NEK11: variants seen among roughly 807,000 people sequenced by gnomAD.
NEK11 encodes the protein NIMA related kinase 11, also known as serine/threonine-protein kinase Nek11.
A neutral mutation model predicts 80.7 loss-of-function variants in NEK11; 72 were observed. That is an observed-to-expected ratio of 0.89 (90% CI 0.74 to 1.08). The LOEUF is 1.08. Ranked by LOEUF, NEK11 falls within the 50% of genes least tolerant of loss-of-function variation. NEK11 has a pLI of 0.00. For synonymous variants in NEK11, 251 were observed against 260.7 expected, an observed-to-expected ratio of 0.96 and a Z score of 0.36; for missense variants, 764 against 763.6, an observed-to-expected ratio of 1.00 and a Z score of -0.01.
At chr3:131,055,547 G>A (rs1008354613) in intron 3 of NEK11, among the ~76,000 whole-genome samples, 1 of 152,024 alleles carries the variant, frequency 6.6e-6, no homozygotes, top group African/African-American at 2.4e-5. Flanking sequence ...ACCAGCCTGG[G>A]CAACATAGTA....
In NEK11 at chr3:131,059,087, C is replaced by T. The variant is rs149268940; in HGVS notation, c.171-21336C>T. Among the ~76,000 whole-genome samples the T allele has an allele frequency of 2.2e-3, 332 of 152,108 alleles. 3 individuals are homozygous for T. The highest frequency in any genetic ancestry group is 3.7e-3 in the Non-Finnish European group (253 of 67,972). On this transcript the variant is annotated intron_variant, in intron 3 of 17. Coordinates refer to ENST00000383366, the MANE Select transcript of NEK11 (RefSeq NM_024800.5). ...TAACTGATCTGTGGTTCAGGAGAAC[C>T]GTTAATGAACAATGAAAATACATTT... is the stretch of plus-strand genomic sequence containing the variant.
At position 131,115,952 on chromosome 3, in the gene NEK11, T is replaced by TTCTTTCTTTCTTTCTTTCTTTC. The variant is rs1553878398; in HGVS notation, c.455+6033_455+6054dup. ...TTTCTTTCTTTCTTTCTTTCTTTCT[T>TTCTTTCTTTCTTTCTTTCTTTC]TCTTTCTTTCTTTCTTTCTTTCTTT... On this transcript the variant is annotated intron_variant, in intron 5 of 17. Coordinates refer to ENST00000383366, the MANE Select transcript of NEK11 (RefSeq NM_024800.5). Among the ~76,000 whole-genome samples, 718 of 133,192 alleles carry TTCTTTCTTTCTTTCTTTCTTTC rather than the reference T, an allele frequency of 5.4e-3. 10 individuals are homozygous for TTCTTTCTTTCTTTCTTTCTTTC. The highest frequency in any genetic ancestry group is 6.9e-3 in the South Asian group (27 of 3,940). 87.4% of individuals were successfully genotyped at this position (133,192 alleles called of 152,430 possible).
intron 17 of NEK11, among the ~76,000 whole-genome samples, chr3:131,344,522 G>C (rs188996654): frequency 6.6e-6 from 1 of 152,232 alleles, no homozygotes; most frequent in Admixed American, 6.5e-5. Context: ...ACACTTTCAG[G>C]AATCTTTATA....
chr3:131,029,980 C>A, intron 3 of NEK11, 102 bp downstream of exon 3: 1 of 1,108,252 alleles, frequency 9.0e-7, no homozygotes, highest in Non-Finnish European at 1.3e-6. Context: ...TGGCTCATGC[C>A]TGTAATCCCA....
chr3:131,319,268 A>G (rs1195231058), intron 17 of NEK11, among the ~76,000 whole-genome samples: 3 of 152,176 alleles, frequency 2.0e-5, no homozygotes, highest in Non-Finnish European at 2.9e-5. Flanking sequence ...ACAAACTTTT[A>G]CATTTGAAAG....
intron 5 of NEK11, among the ~76,000 whole-genome samples, chr3:131,120,715 C>G (rs1241036781): frequency 6.6e-6 from 1 of 152,154 alleles, no homozygotes; most frequent in Non-Finnish European, 1.5e-5. Context: ...CTTCTCGCTT[C>G]ATTTCATTCA....
chr3:131,322,597 A>G (rs1227829024), intron 17 of NEK11, among the ~76,000 whole-genome samples: 1 of 152,220 alleles, frequency 6.6e-6, no homozygotes, highest in Non-Finnish European at 1.5e-5. Context: ...TCTAATGTGT[A>G]TATGAAGAAC....
At chr3:131,116,264 T>G (rs1578507267) in intron 5 of NEK11, among the ~76,000 whole-genome samples, 1 of 152,162 alleles carries the variant, frequency 6.6e-6, no homozygotes, top group East Asian at 1.9e-4. Flanking sequence ...CTCAGAATGA[T>G]GGTTTCCAGC....
chr3:131,262,144 C>T (rs79165355), intron 16 of NEK11, among the ~76,000 whole-genome samples: 8,385 of 152,114 alleles, frequency 0.055, 723 homozygotes, highest in African/African-American at 0.19. Context: ...AGGTATACTA[C>T]GAACAACAGT....
At chr3:131,196,846 C>CTTT (rs112705042) in intron 14 of NEK11, among the ~76,000 whole-genome samples, 1 of 138,142 alleles carries the variant, frequency 7.2e-6, no homozygotes, top group African/African-American at 2.7e-5. Flanking sequence ...CTTTTCTTTT[C>CTTT]TTTTTTTTTT....
intron 7 of NEK11, among the ~76,000 whole-genome samples, chr3:131,151,960 G>A (rs995066463): frequency 2.0e-5 from 3 of 151,846 alleles, no homozygotes; most frequent in African/African-American, 7.3e-5. Context: ...CACATTAGAG[G>A]GAAGGTTAGG....
chr3:131,039,569 G>A (rs1412003747), intron 3 of NEK11, among the ~76,000 whole-genome samples: 2 of 152,112 alleles, frequency 1.3e-5, no homozygotes, highest in East Asian at 1.9e-4. Context: ...CTTCTAAACC[G>A]ATCTGGTTCC....
intron 17 of NEK11, chr3:131,328,223 G>A (rs1032607018): frequency 3.9e-5 from 6 of 152,052 alleles, no homozygotes; most frequent in Admixed American, 6.6e-5. Context: ...CTGGGAGGTC[G>A]AGGTTGCAGC....
chr3:131,209,085 G>A (rs1163758380), intron 14 of NEK11, among the ~76,000 whole-genome samples: 4 of 152,154 alleles, frequency 2.6e-5, no homozygotes, highest in African/African-American at 9.7e-5. Context: ...CATTCAGTAT[G>A]ATATTGGCTG....
chr3:131,168,259 C>T (rs2092402164), intron 12 of NEK11, among the ~76,000 whole-genome samples: 1 of 152,148 alleles, frequency 6.6e-6, no homozygotes, highest in Non-Finnish European at 1.5e-5. Flanking sequence ...TTGAAATGCA[C>T]CTTGATTGCC....
At chr3:131,202,651 T>A (rs1285400272) in intron 14 of NEK11, among the ~76,000 whole-genome samples, 1 of 152,100 alleles carries the variant, frequency 6.6e-6, no homozygotes, top group African/African-American at 2.4e-5. Context: ...ACCTACAGAA[T>A]GGGAGAAAAT....
chr3:131,348,943 T>TTCCTCC (rs996702924), intron 17 of NEK11, among the ~76,000 whole-genome samples: 4 of 151,874 alleles, frequency 2.6e-5, no homozygotes, highest in Admixed American at 2.0e-4. Flanking sequence ...CCCCCTCATT[T>TTCCTCC]TCCTCCTCCT....
intron 3 of NEK11, among the ~76,000 whole-genome samples, chr3:131,070,124 T>C (rs2072998390): frequency 6.6e-6 from 1 of 152,210 alleles, no homozygotes; most frequent in Non-Finnish European, 1.5e-5. Flanking sequence ...TATATCCTTA[T>C]TAACATTGTT....
At chr3:131,331,404 G>A (rs530371867) in intron 17 of NEK11, among the ~76,000 whole-genome samples, 18 of 152,262 alleles carry the variant, frequency 1.2e-4, no homozygotes, top group Non-Finnish European at 1.9e-4. Context: ...ATGACCTTCC[G>A]GGTATCCATT....
Sources: gnomAD v4.1 joint callset for allele counts (sites outside exome capture counted in the v4.1 genomes callset) on GRCh38, gnomAD v4.1.1 for gene constraint, MANE v1.5 for transcripts, NCBI Gene and HGNC (gene_info 2026-07-23, HGNC 2026-07-21) for gene names.